Variants in CDCP1 observed in about 807,000 individuals in gnomAD.
CDCP1 encodes the protein CUB domain-containing protein 1.
In CDCP1, 29 loss-of-function variants were observed where a neutral mutation model predicts 60.2. That is an observed-to-expected ratio of 0.48 (90% CI 0.36 to 0.66). The LOEUF (loss-of-function observed/expected upper bound fraction) is 0.66. Ranked by LOEUF, CDCP1 falls within the 30% of genes least tolerant of loss-of-function variation. The pLI is 0.00. For synonymous variants in CDCP1, 387 were observed against 431.1 expected (o/e 0.90, Z 1.27); for missense variants, 876 against 1,074.3 (o/e 0.82, Z 2.58).
intron 2 of CDCP1, among the ~76,000 whole-genome samples, chr3:45,113,294 G>A (rs1384946310): frequency 2.0e-5 from 3 of 152,150 alleles, no homozygotes; most frequent in East Asian, 1.9e-4. Context: ...TATAACCACT[G>A]CAGTTGAATT....
intron 5 of CDCP1, 77 bp from the exon 6 acceptor site, chr3:45,093,734 A>T (rs1416753730): frequency 6.6e-7 from 1 of 1,508,334 alleles, no homozygotes; most frequent in African/African-American, 1.4e-5. Context: ...CGTCAGCCTG[A>T]GGTTGGGTGT....
At chr3:45,107,687 AGT>A in intron 4 of CDCP1, among the ~76,000 whole-genome samples, 1 of 152,332 alleles carries the variant, frequency 6.6e-6, no homozygotes, top group African/African-American at 2.4e-5. Flanking sequence ...AAAGAGGTGA[AGT>A]GACTTGCCCA....
chr3:45,113,190 A>G (rs1369018824), intron 2 of CDCP1, among the ~76,000 whole-genome samples: 1 of 152,174 alleles, frequency 6.6e-6, no homozygotes, highest in East Asian at 1.9e-4. Flanking sequence ...ACATTCATCA[A>G]CATAGCAAAT....
rs550533111 is a variant in CDCP1, at chr3:45,090,744, ATCTCTCTGCC to A, written c.1993+419_1993+428del. ...ATATGCCTCCTCCAGTCTCTTGTGG[ATCTCTCTGCC>A]TCTGCCATGAAAACAGCCCAGGCTG... On this transcript the variant is annotated intron_variant, in intron 7 of 8. Coordinates refer to ENST00000296129, the MANE Select transcript of CDCP1 (RefSeq NM_022842.5). Among the ~76,000 whole-genome samples the A allele has an allele frequency of 1.0e-3, 159 of 152,320 alleles. 1 individual carries two copies. The highest frequency in any genetic ancestry group is 0.01 in the Middle Eastern group (3 of 294).
Position 45,146,291 on chromosome 3 carries a change from T to C in CDCP1, c.-4A>G. On this transcript the variant is annotated 5_prime_UTR_variant, in exon 1 of 9. Transcript: ENST00000296129. ...CCCCGCAGTTCAGGCCGGCCATGACTCCGGGACGCCTCGGCCTCGGTGGGG... is the reference window on the plus strand; with the variant it reads ...CCCCGCAGTTCAGGCCGGCCATGACCCCGGGACGCCTCGGCCTCGGTGGGG... 3 of 1,567,818 alleles carry C rather than the reference T, an allele frequency of 1.9e-6. No homozygotes were observed. The highest frequency in any genetic ancestry group is 2.6e-5 in the East Asian group (1 of 38,838).
intron 8 of CDCP1, among the ~76,000 whole-genome samples, chr3:45,086,291 G>C (rs140082600): frequency 4.6e-5 from 7 of 152,306 alleles, no homozygotes; most frequent in Admixed American, 1.3e-4. Flanking sequence ...AGAGATCACA[G>C]GTAGTAGAAG....
At chr3:45,089,276 T>C (rs1698251356) in intron 7 of CDCP1, 135 bp from the exon 8 acceptor site, 1 of 675,548 alleles carries the variant, frequency 1.5e-6, no homozygotes, top group Non-Finnish European at 2.7e-6. Flanking sequence ...TGTGTGCACA[T>C]GGGGCTCCTC....
At position 45,086,020 on chromosome 3, in the gene CDCP1, T is replaced by G. The variant is rs772792426; in HGVS notation, c.2129A>C (p.Asn710Thr). The stretch of plus-strand genomic sequence containing the variant: ...CTGCCTCGGCATCTCAGTATTGATG[T>G]TGTCATTGTAGATACCCACAGCGGG... ...KGPAVGIYND[N>T]INTEMPRQPK... Residue 710 changes from asparagine to threonine, a missense_variant, in exon 9 of 9, where the codon AAC becomes ACC. Coordinates refer to ENST00000296129, the MANE Select transcript of CDCP1 (RefSeq NM_022842.5). The G allele has an allele frequency of 6.2e-7, 1 of 1,614,170 alleles. No individual in the cohort carries two copies. Among genetic ancestry groups the G allele is most frequent in the South Asian group, 1.1e-5 (1 of 91,078 alleles).
chr3:45,141,963 C>A (rs1699297774), intron 1 of CDCP1, among the ~76,000 whole-genome samples: 1 of 152,106 alleles, frequency 6.6e-6, no homozygotes, highest in South Asian at 2.1e-4. Context: ...TCCTGCGTAG[C>A]TGGGATTACA....
intron 1 of CDCP1, among the ~76,000 whole-genome samples, chr3:45,123,534 C>T (rs1208766173): frequency 1.3e-5 from 2 of 152,054 alleles, no homozygotes; most frequent in African/African-American, 4.8e-5. Context: ...TTTTAATGAT[C>T]CCCCTCATCC....
At position 45,085,581 on chromosome 3, in the gene CDCP1, C is replaced by T. The variant is rs528715333; in HGVS notation, c.*57G>A. 67 of 1,504,916 alleles carry T rather than the reference C, an allele frequency of 4.5e-5. No homozygotes were observed. The highest frequency in any genetic ancestry group is 2.7e-4 in the East Asian group (12 of 44,014). 93.2% of individuals were successfully genotyped at this position (1,504,916 alleles called of 1,614,324 possible). On this transcript the variant is annotated 3_prime_UTR_variant, in exon 9 of 9. Coordinates refer to ENST00000296129, the MANE Select transcript of CDCP1 (RefSeq NM_022842.5). This position sits in a 1 kb window ranked among gnomAD's most constrained non-coding sequence, Gnocchi z 4.2. ...TAGGATTTCTGGTTAGGAACACGGA[C>T]GGGTGTCTCAGTGCCCTGCTTTATG...
chr3:45,095,251 A>G, intron 5 of CDCP1, 96 bp downstream of exon 5: 1 of 1,143,420 alleles, frequency 8.7e-7, no homozygotes, highest in East Asian at 2.5e-5. Flanking sequence ...CCTTTTTGAT[A>G]TGATTTACAA....
At chr3:45,131,924 AT>A (rs1176169813) in intron 1 of CDCP1, among the ~76,000 whole-genome samples, 2 of 152,108 alleles carry the variant, frequency 1.3e-5, no homozygotes, top group East Asian at 3.8e-4. Context: ...ACAGGACTGC[AT>A]TTTTTTGGCG....
At chr3:45,107,181 G>A (rs569334771) in intron 4 of CDCP1, among the ~76,000 whole-genome samples, 1 of 152,076 alleles carries the variant, frequency 6.6e-6, no homozygotes, top group Admixed American at 6.5e-5. Context: ...CTCTTTGTTT[G>A]AACAAGTGTT....
At chr3:45,089,550 T>C (rs1698257878) in intron 7 of CDCP1, among the ~76,000 whole-genome samples, 1 of 152,144 alleles carries the variant, frequency 6.6e-6, no homozygotes, top group Non-Finnish European at 1.5e-5. Flanking sequence ...CCAGTTGAAT[T>C]CTCCAAGCCA....
intron 2 of CDCP1, among the ~76,000 whole-genome samples, chr3:45,116,221 A>G (rs1328081448): frequency 7.7e-6 from 1 of 130,548 alleles, no homozygotes; most frequent in African/African-American, 2.9e-5. Context: ...TTTAAAATCT[A>G]TGTTCATACT....
intron 6 of CDCP1, among the ~76,000 whole-genome samples, chr3:45,092,164 CTCAG>C (rs1698305200): frequency 6.6e-6 from 1 of 152,190 alleles, no homozygotes; most frequent in Non-Finnish European, 1.5e-5. Context: ...CTGGATCAGT[CTCAG>C]TCAGAGTAGG....
chr3:45,092,837 C>T (rs535354926), intron 6 of CDCP1, among the ~76,000 whole-genome samples: 3 of 152,272 alleles, frequency 2.0e-5, no homozygotes, highest in South Asian at 2.1e-4. Context: ...TCCAGAGACT[C>T]GTCTCCCTCC....
rs908313490 is a variant in CDCP1 at position 45,118,623 on chromosome 3, TGAAG to T, written c.83-6_83-3del. The T allele has an allele frequency of 1.9e-6, 3 of 1,613,436 alleles. No individual in the cohort carries two copies. Among genetic ancestry groups the T allele is most frequent in the Non-Finnish European group, 2.5e-6 (3 of 1,179,744 alleles). ...GTGGCAGAGCAATCTCAAAAGCTTC[TGAAG>T]GAAGGAAGGAAAATGAAGTAAGCAG... On this transcript the variant is annotated splice_region_variant and splice_polypyrimidine_tract_variant and intron_variant, in intron 1 of 8. Transcript: ENST00000296129.
Sources: gnomAD v4.1 joint callset for allele counts (sites outside exome capture counted in the v4.1 genomes callset) on GRCh38, gnomAD v4.1.1 for gene constraint, Gnocchi (gnomAD v3.1) non-coding constraint, MANE v1.5 for transcripts, NCBI Gene and HGNC (gene_info 2026-07-23, HGNC 2026-07-21) for gene names.